PRMT9: variants seen among roughly 807,000 people sequenced by gnomAD.
PRMT9 encodes protein arginine N-methyltransferase 9.
Under a neutral mutation model 83.2 loss-of-function variants are expected in PRMT9, and 59 were observed. The observed-to-expected ratio is 0.71, with a 90% CI of 0.57 to 0.88. The LOEUF (loss-of-function observed/expected upper bound fraction) is 0.88. Among genes scored for constraint, PRMT9 ranks in the 40% least tolerant of loss-of-function variants. PRMT9 has a pLI of 0.00. For missense variants in PRMT9, 947 were observed against 1,021.9 expected, an observed-to-expected ratio of 0.93 and a Z score of 1.00; for synonymous variants, 333 against 353.2, an observed-to-expected ratio of 0.94 and a Z score of 0.64.
chr4:147,639,646 T>G (rs1295700229), intron 10 of PRMT9, among the ~76,000 whole-genome samples: 1 of 152,172 alleles, frequency 6.6e-6, no homozygotes. Flanking sequence ...CCCAGATGTT[T>G]CCAATGTACA....
intron 4 of PRMT9, 46 bp downstream of exon 4, chr4:147,672,913 A>G (rs779408597): frequency 2.0e-6 from 3 of 1,533,238 alleles, no homozygotes; most frequent in Non-Finnish European, 2.7e-6. Flanking sequence ...TTAGTTTTTT[A>G]AAAATAGAGA....
intron 1 of PRMT9, 87 bp from the exon 2 acceptor site, chr4:147,680,558 C>G: frequency 9.7e-7 from 1 of 1,031,844 alleles, no homozygotes. Flanking sequence ...TCCAAGCAAT[C>G]GAACTTAATC....
rs1362650756 is a variant in PRMT9 at position 147,638,240 on chromosome 4, CAT to C, written c.*290_*291del. ...AAAGTAAAGTTTTGCTTTACTTACA[CAT>C]GTCAATAACGATAAGACTTTTAAAA... On this transcript the variant is annotated 3_prime_UTR_variant, in exon 12 of 12. Coordinates refer to ENST00000322396, the MANE Select transcript of PRMT9 (RefSeq NM_138364.4). 6.9e-5 allele frequency: 25 copies of C among 360,242 alleles called. 1 individual carries two copies. Among genetic ancestry groups the C allele is most frequent in the South Asian group, 3.6e-4 (12 of 33,616 alleles). 22.3% of individuals were successfully genotyped at this position (360,242 alleles called of 1,614,324 possible). A position where few individuals can be genotyped will look rare whatever the true frequency, so the allele number is the denominator to read the frequency against.
In PRMT9 at chr4:147,659,077, G is replaced by A. The variant is rs1734742848; in HGVS notation, c.1147-1102C>T. Among the ~76,000 whole-genome samples the A allele has an allele frequency of 2.0e-5, 3 of 152,144 alleles. No homozygotes were observed. The South Asian group carries it at 6.2e-4, about 32-fold the overall frequency. Reference sequence around the variant, plus strand: ...ACCTGTAGTCCCAGCTACTCGGGAGGCTGAGGCAGGAGAATGGCGTGAACC... The same window carrying A: ...ACCTGTAGTCCCAGCTACTCGGGAGACTGAGGCAGGAGAATGGCGTGAACC... On this transcript the variant is annotated intron_variant, in intron 7 of 11. Transcript: ENST00000322396.
intron 10 of PRMT9, among the ~76,000 whole-genome samples, chr4:147,641,451 C>G (rs981350404): frequency 1.3e-5 from 2 of 152,166 alleles, no homozygotes; most frequent in African/African-American, 4.8e-5. Flanking sequence ...CTGTTTATCA[C>G]TTACCCATGA....
At chr4:147,676,223 G>T (rs1188279229) in intron 2 of PRMT9, among the ~76,000 whole-genome samples, 1 of 152,158 alleles carries the variant, frequency 6.6e-6, no homozygotes, top group Non-Finnish European at 1.5e-5. Context: ...GTTACAATCT[G>T]TCAAAAGTAT....
chr4:147,643,249 A>G (rs1316688510), intron 9 of PRMT9, among the ~76,000 whole-genome samples: 1 of 152,180 alleles, frequency 6.6e-6, no homozygotes, highest in Non-Finnish European at 1.5e-5. Flanking sequence ...CCTGGGTGAC[A>G]GAGTGAGACT....
rs1168015624 is a variant in PRMT9, at chr4:147,683,735, G to GT, written c.189+63dup. 76 of 839,192 alleles carry GT rather than the reference G, an allele frequency of 9.1e-5. No individual in the cohort carries two copies. In the African/African-American group the frequency reaches 1.3e-3, roughly 14 times the overall value. The allele number at this position is 839,192 out of a possible 1,614,324, so 52.0% of individuals were successfully genotyped here. The stretch of plus-strand genomic sequence containing the variant: ...AGCCCCTCCGCTTTTTTTTTTTTCT[G>GT]TTTTTTTTTTTTTTTTTACGAGGAC... On this transcript the variant is annotated intron_variant, in intron 1 of 11. Coordinates refer to ENST00000322396, the MANE Select transcript of PRMT9 (RefSeq NM_138364.4).
chr4:147,676,724 T>G (rs968842412), intron 2 of PRMT9, among the ~76,000 whole-genome samples: 1 of 152,180 alleles, frequency 6.6e-6, no homozygotes, highest in Non-Finnish European at 1.5e-5. Context: ...AAAGTGTTTC[T>G]TATATAGAAC....
chr4:147,641,358 TC>T (rs2126567597), intron 10 of PRMT9, among the ~76,000 whole-genome samples: 1 of 152,310 alleles, frequency 6.6e-6, no homozygotes, highest in Admixed American at 6.5e-5. Context: ...TTTTTGATAC[TC>T]CAATCGTGAT....
chr4:147,654,200 C>T lies in PRMT9; in HGVS notation c.1697G>A (p.Ser566Asn). The change falls in exon 9 of 12, where the codon AGC becomes AAC. Residue 566 changes from serine to asparagine, a missense_variant. Physicochemically the swap from Ser to Asn is conservative, Grantham distance 46 (BLOSUM62 1). Transcript: ENST00000322396. ...TMDTHCQNEMSSGTGQSNTVQ... is the reference protein window; with the variant it reads ...TMDTHCQNEMNSGTGQSNTVQ... ...AGTATTACTCTGTCCAGTTCCAGAG[C>T]TCATCTCATTCTGACAGTGAGTATC... The T allele has an allele frequency of 3.7e-6, 6 of 1,614,180 alleles. No individual in the cohort carries two copies. Among genetic ancestry groups the T allele is most frequent in the Non-Finnish European group, 5.1e-6 (6 of 1,180,004 alleles).
chr4:147,680,370 A>G lies in PRMT9; in HGVS notation c.291T>C (p.Phe97=). 3 of 1,614,172 alleles carry G rather than the reference A, an allele frequency of 1.9e-6. No individual in the cohort carries two copies. The highest frequency in any genetic ancestry group is 2.2e-5 in the South Asian group (2 of 91,088). The stretch of plus-strand genomic sequence containing the variant: ...TATTGCAAATCACTTCATCATCAGG[A>G]AACAGTTCCAAGGCCTGCTCATAGC... The part of the protein sequence containing the change: ...LGCYEQALEL[F]PDDEVICNSM... The change falls in exon 2 of 12, where the codon TTT becomes TTC. Residue 97 remains phenylalanine, a synonymous_variant. Transcript: ENST00000322396.
At chr4:147,657,665 T>A (rs1734610712) in intron 8 of PRMT9, 127 bp downstream of exon 8, 1 of 713,450 alleles carries the variant, frequency 1.4e-6, no homozygotes, top group Non-Finnish European at 2.4e-6. Context: ...AAAATGAAGT[T>A]CTGAAAGATT....
intron 5 of PRMT9, among the ~76,000 whole-genome samples, chr4:147,669,262 T>G (rs1423819487): frequency 6.6e-6 from 1 of 151,212 alleles, no homozygotes; most frequent in Non-Finnish European, 1.5e-5. Flanking sequence ...CCAAGTGTGG[T>G]GACATTGCGA....
At chr4:147,670,328 C>T (rs1049230419) in intron 5 of PRMT9, among the ~76,000 whole-genome samples, 5 of 151,978 alleles carry the variant, frequency 3.3e-5, no homozygotes, top group Non-Finnish European at 4.4e-5. Context: ...TACAGGCATG[C>T]GCCACCACAC....
In PRMT9 at chr4:147,660,837, T is replaced by A. The variant is rs760990702; in HGVS notation, c.1146+9A>T. On this transcript the variant is annotated intron_variant, in intron 7 of 11. Transcript: ENST00000322396. ...TAATGCTTGAAAATAGTAACTGAAT[T>A]TTTTTCACCTGAAGGTTGTTGAAAT... The A allele has an allele frequency of 6.3e-7, 1 of 1,597,276 alleles. No homozygotes were observed. Among genetic ancestry groups the A allele is most frequent in the East Asian group, 2.2e-5 (1 of 44,730 alleles).
At chr4:147,680,239 C>T in intron 2 of PRMT9, 84 bp downstream of exon 2, 1 of 1,253,274 alleles carries the variant, frequency 8.0e-7, no homozygotes, top group Non-Finnish European at 1.2e-6. Context: ...TTAAACTTTC[C>T]CTGTTAAAAT....
intron 6 of PRMT9, among the ~76,000 whole-genome samples, chr4:147,666,876 C>T (rs1192951485): frequency 6.6e-6 from 1 of 150,632 alleles, no homozygotes; most frequent in Non-Finnish European, 1.5e-5. Context: ...AGACCTACAC[C>T]TATTCAATCA....
At chr4:147,673,967 T>TC in intron 2 of PRMT9, 93 bp from the exon 3 acceptor site, 2 of 1,035,532 alleles carry the variant, frequency 1.9e-6, no homozygotes, top group Non-Finnish European at 3.0e-6. Context: ...GCCTGGGAAT[T>TC]CCATGCCAGC....
Sources: allele counts gnomAD v4.1 joint callset (sites outside exome capture counted in the v4.1 genomes callset), GRCh38; gene constraint gnomAD v4.1.1; transcripts MANE v1.5; gene names NCBI Gene and HGNC (gene_info 2026-07-23, HGNC 2026-07-21).